Variants in PSD3 observed in about 807,000 individuals in gnomAD.
The protein encoded by PSD3 is pleckstrin and Sec7 domain containing 3, also known as PH and SEC7 domain-containing protein 3.
In PSD3, 49 loss-of-function variants were observed where a neutral mutation model predicts 105.5. The ratio of observed to expected loss-of-function variants is 0.46; its 90% CI spans 0.37 to 0.59. PSD3 has a LOEUF of 0.59. PSD3 is among the 20% of genes least tolerant of loss of function. PSD3 has a pLI of 0.00. For missense variants in PSD3, 1,561 were observed against 1,263.8 expected (o/e 1.24, Z -3.57); for synonymous variants, 557 against 457.8 (o/e 1.22, Z -2.77).
intron 1 of PSD3, among the ~76,000 whole-genome samples, chr8:19,040,326 C>CA (rs1348221274): frequency 5.3e-5 from 8 of 152,126 alleles, no homozygotes; most frequent in African/African-American, 1.9e-4. Flanking sequence ...CTCAGCCTTC[C>CA]AAGCAGCTGG....
At chr8:18,543,304 G>A (rs918117969) in intron 15 of PSD3, among the ~76,000 whole-genome samples, 14 of 151,806 alleles carry the variant, frequency 9.2e-5, no homozygotes, top group South Asian at 4.2e-4. Context: ...GCTGATCTTC[G>A]ATTATCTGTA....
rs1257441305 is a variant in PSD3 at position 18,535,935 on chromosome 8, G to T, written c.2952C>A (p.Val984=). 4 of 1,614,090 alleles carry T rather than the reference G, an allele frequency of 2.5e-6. No homozygotes were observed. The highest frequency in any genetic ancestry group is 3.3e-4 in the Middle Eastern group (2 of 6,060). ...EFEKTRYEMY[V]SILKEGGKEL... is the part of the protein sequence containing the mutation. ...CTTTGCCTCCTTCCTTGAGAATGCT[G>T]ACATACATTTCATAGCGGGTTTTCT... The change falls in exon 16 of 16, where the codon GTC becomes GTA. Residue 984 remains valine (V), a synonymous_variant. Coordinates refer to ENST00000327040, the MANE Select transcript of PSD3 (RefSeq NM_015310.4).
intron 8 of PSD3, among the ~76,000 whole-genome samples, chr8:18,790,192 G>A (rs948173394): frequency 6.6e-6 from 1 of 151,976 alleles, no homozygotes; most frequent in Non-Finnish European, 1.5e-5. Context: ...GGCATACTTA[G>A]ATAAGGATTC....
At chr8:18,710,708 GTCTC>G (rs983698336) in intron 9 of PSD3, among the ~76,000 whole-genome samples, 2 of 151,900 alleles carry the variant, frequency 1.3e-5, no homozygotes, top group African/African-American at 4.8e-5. Flanking sequence ...TTGAGATGGA[GTCTC>G]TCTCTGTCGC....
At chr8:18,879,080 ACACACACG>A (rs1563378135) in intron 2 of PSD3, among the ~76,000 whole-genome samples, 1,545 of 148,032 alleles carry the variant, frequency 0.01, 9 homozygotes, top group South Asian at 0.022. Flanking sequence ...ACACACACAC[ACACACACG>A]CACACACAAC....
chr8:18,683,190 G>T (rs1003860081), intron 9 of PSD3, among the ~76,000 whole-genome samples: 1 of 152,146 alleles, frequency 6.6e-6, no homozygotes, highest in Non-Finnish European at 1.5e-5. Flanking sequence ...TTTCATGGCA[G>T]CATAGCATCA....
intron 8 of PSD3, among the ~76,000 whole-genome samples, chr8:18,776,250 C>G (rs1476079853): frequency 6.8e-6 from 1 of 146,116 alleles, no homozygotes; most frequent in East Asian, 2.0e-4. Context: ...CCATGGCTCT[C>G]TCTCTCTCTC....
At chr8:18,999,180 C>T (rs919146) in intron 1 of PSD3, among the ~76,000 whole-genome samples, 106,253 of 151,722 alleles carry the variant, frequency 0.7, 38,039 homozygotes, top group East Asian at 0.91. Flanking sequence ...CCTTTTCATT[C>T]CTTAGACCAT....
At chr8:18,993,416 A>G (rs182423739) in intron 1 of PSD3, among the ~76,000 whole-genome samples, 1 of 152,106 alleles carries the variant, frequency 6.6e-6, no homozygotes, top group Non-Finnish European at 1.5e-5. Flanking sequence ...GTTTCAGAGT[A>G]TAGTGGCACT....
At chr8:18,770,951 A>G (rs530716680) in intron 8 of PSD3, among the ~76,000 whole-genome samples, 1 of 152,346 alleles carries the variant, frequency 6.6e-6, no homozygotes, top group South Asian at 2.1e-4. Context: ...AGTGGCTCTC[A>G]GCAGGAAGGG....
rs138519008 is a variant in PSD3, at chr8:18,976,704, T to G, written c.21+36859A>C. Reference sequence around the variant, plus strand: ...TGGCACGCAGTATTACTAATAATAATATAAATCACAGATCGTACTATGTAG... The same window carrying G: ...TGGCACGCAGTATTACTAATAATAAGATAAATCACAGATCGTACTATGTAG... On this transcript the variant is annotated intron_variant, in intron 1 of 15. Coordinates refer to ENST00000327040, the MANE Select transcript of PSD3 (RefSeq NM_015310.4). 3.3e-5 allele frequency among the ~76,000 whole-genome samples: 5 copies of G among 152,256 alleles called. No individual in the cohort carries two copies. In the East Asian group the frequency reaches 9.6e-4, roughly 29 times the overall value.
chr8:18,883,100 A>G (rs1563382007), intron 2 of PSD3, among the ~76,000 whole-genome samples: 1 of 152,170 alleles, frequency 6.6e-6, no homozygotes, highest in Admixed American at 6.6e-5. Context: ...CACCTCAGAC[A>G]TTCCCAATCA....
At chr8:18,899,768 GT>G (rs1819384466) in intron 2 of PSD3, among the ~76,000 whole-genome samples, 1 of 152,076 alleles carries the variant, frequency 6.6e-6, no homozygotes, top group Admixed American at 6.6e-5. Context: ...AGTTCTTGTT[GT>G]TCAGGTCTTC....
intron 10 of PSD3, among the ~76,000 whole-genome samples, chr8:18,634,544 C>G (rs1563404198): frequency 6.6e-6 from 1 of 152,044 alleles, no homozygotes; most frequent in Non-Finnish European, 1.5e-5. Flanking sequence ...TTCTAGGATC[C>G]TATCCATGAT....
intron 10 of PSD3, among the ~76,000 whole-genome samples, chr8:18,644,261 C>G (rs1807866826): frequency 6.6e-6 from 1 of 152,220 alleles, no homozygotes; most frequent in African/African-American, 2.4e-5. Flanking sequence ...AATCTTTCTT[C>G]TGCTTCTCCT....
intron 9 of PSD3, among the ~76,000 whole-genome samples, chr8:18,689,900 G>C (rs972206293): frequency 6.6e-6 from 1 of 152,172 alleles, no homozygotes; most frequent in Admixed American, 6.6e-5. Flanking sequence ...GATGACTCCT[G>C]AGACACAGAA....
At chr8:18,739,755 A>C (rs1356350925) in intron 9 of PSD3, among the ~76,000 whole-genome samples, 5 of 152,216 alleles carry the variant, frequency 3.3e-5, no homozygotes, top group Non-Finnish European at 5.9e-5. Flanking sequence ...GAAATAATCA[A>C]ATCAAACAAA....
Position 18,563,982 on chromosome 8 carries a change from A to G in PSD3, c.2785-7630T>C, listed in dbSNP as rs141394449. Reference sequence around the variant, plus strand: ...ACCCACTGCAAAGAGTTTTAAAATCAGTATTGAGATACAATTCACATACCA... The same window carrying G: ...ACCCACTGCAAAGAGTTTTAAAATCGGTATTGAGATACAATTCACATACCA... On this transcript the variant is annotated intron_variant, in intron 14 of 15. Coordinates refer to ENST00000327040, the MANE Select transcript of PSD3 (RefSeq NM_015310.4). Among the ~76,000 whole-genome samples, 374 of 152,304 alleles carry G rather than the reference A, an allele frequency of 2.5e-3. 1 individual carries two copies. The highest frequency in any genetic ancestry group is 8.7e-3 in the African/African-American group (361 of 41,564).
intron 2 of PSD3, among the ~76,000 whole-genome samples, chr8:18,931,816 C>G (rs1242199480): frequency 6.6e-6 from 1 of 152,218 alleles, no homozygotes; most frequent in Non-Finnish European, 1.5e-5. Context: ...CTTTCTAACA[C>G]AGCACATTTA....
Sources: gnomAD v4.1 joint callset for allele counts (sites outside exome capture counted in the v4.1 genomes callset) on GRCh38, gnomAD v4.1.1 for gene constraint, MANE v1.5 for transcripts, NCBI Gene and HGNC (gene_info 2026-07-23, HGNC 2026-07-21) for gene names.